The following CENPO variants were observed in gnomAD, a reference collection of about 807,000 sequenced individuals.
CENPO encodes centromere protein O, also known as centromeric protein O.
In CENPO, 30 loss-of-function variants were observed where a neutral mutation model predicts 36.1. The observed-to-expected ratio is 0.83, with a 90% CI of 0.62 to 1.13. The LOEUF is 1.13. CENPO is among the 50% of genes most tolerant of loss of function. CENPO has a pLI of 0.00. For synonymous variants in CENPO, 171 were observed against 142.3 expected (o/e 1.20, Z -1.44); for missense variants, 349 against 357.8 (o/e 0.98, Z 0.20).
intron 3 of CENPO, among the ~76,000 whole-genome samples, chr2:24,807,201 G>A (rs1666445410): frequency 2.0e-5 from 3 of 151,602 alleles, no homozygotes; most frequent in African/African-American, 7.3e-5. Context: ...TAATATATAT[G>A]AAGTGCACTA....
chr2:24,803,343 A>G (rs578221961), intron 3 of CENPO, among the ~76,000 whole-genome samples: 123 of 151,550 alleles, frequency 8.1e-4, no homozygotes, highest in Admixed American at 6.3e-3. Flanking sequence ...TTCTGCTCTG[A>G]TCTTAGTTAT....
chr2:24,799,122 G>A (rs529783893), intron 2 of CENPO, among the ~76,000 whole-genome samples: 3 of 151,302 alleles, frequency 2.0e-5, no homozygotes, highest in Admixed American at 1.3e-4. Flanking sequence ...TCAGCCTCCC[G>A]AGTAGCTGGG....
rs1477813777 is a variant in CENPO at position 24,821,773 on chromosome 2, A to G, written c.*2455A>G. The G allele has an allele frequency of 2.9e-6, 4 of 1,369,480 alleles. No individual in the cohort carries two copies. The highest frequency in any genetic ancestry group is 2.3e-5 in the Admixed American group (1 of 44,092). 84.8% of individuals were successfully genotyped at this position (1,369,480 alleles called of 1,614,324 possible). A position where few individuals can be genotyped will look rare whatever the true frequency, so the allele number is the denominator to read the frequency against. On this transcript the variant is annotated 3_prime_UTR_variant, in exon 8 of 8. Transcript: ENST00000380834. ...TTCAAGGCCTTACTTTTCCTCCCAC[A>G]AAGGAGTCGCAGCCACGCTAGCTCT...
chr2:24,794,743 G>A (rs1241736138), intron 2 of CENPO, among the ~76,000 whole-genome samples: 4 of 152,100 alleles, frequency 2.6e-5, no homozygotes, highest in Non-Finnish European at 5.9e-5. Flanking sequence ...TAATATTTGT[G>A]GACAGTTCTG....
chr2:24,799,294 G>A (rs534818622), intron 2 of CENPO, among the ~76,000 whole-genome samples: 6 of 152,074 alleles, frequency 3.9e-5, no homozygotes, highest in African/African-American at 9.7e-5. Context: ...CACCGCCCTC[G>A]GCTGTGAGAG....
chr2:24,804,992 T>C (rs1352570370), intron 3 of CENPO, among the ~76,000 whole-genome samples: 2 of 152,242 alleles, frequency 1.3e-5, no homozygotes, highest in Admixed American at 6.5e-5. Context: ...TCTTTTCACA[T>C]AGTCCCATAT....
intron 5 of CENPO, 32 bp from the exon 6 acceptor site, chr2:24,816,614 C>A: frequency 6.5e-7 from 1 of 1,528,322 alleles, no homozygotes; most frequent in South Asian, 1.3e-5. Context: ...TGCAGTCATC[C>A]TCTACTTCGT....
At chr2:24,817,876 G>A in intron 7 of CENPO, 35 bp downstream of exon 7, 1 of 1,556,800 alleles carries the variant, frequency 6.4e-7, no homozygotes, top group East Asian at 2.2e-5. Flanking sequence ...TACCAGGTGG[G>A]TAGTACTGTC....
In CENPO at chr2:24,820,945, T is replaced by G; in HGVS notation, c.*1627T>G. The G allele has an allele frequency of 2.0e-4, 303 of 1,482,214 alleles. No homozygotes were observed. Among genetic ancestry groups the G allele is most frequent in the Non-Finnish European group, 2.4e-4 (263 of 1,089,010 alleles). 91.8% of individuals were successfully genotyped at this position (1,482,214 alleles called of 1,614,324 possible). On this transcript the variant is annotated 3_prime_UTR_variant, in exon 8 of 8. Coordinates refer to ENST00000380834, the MANE Select transcript of CENPO (RefSeq NM_001322101.2). ...CTCCAGACCTGTACCACAAAGCTCC[T>G]AATGTAACACATCATTGTCCTCATT...
At chr2:24,796,327 T>C (rs780325883) in intron 2 of CENPO, among the ~76,000 whole-genome samples, 11 of 152,022 alleles carry the variant, frequency 7.2e-5, no homozygotes, top group Non-Finnish European at 1.6e-4. Context: ...GCACTCCAGC[T>C]TGGGCAACAG....
intron 3 of CENPO, among the ~76,000 whole-genome samples, chr2:24,811,754 C>T (rs1666702032): frequency 6.6e-6 from 1 of 152,108 alleles, no homozygotes; most frequent in South Asian, 2.1e-4. Context: ...AGCCACTGCG[C>T]CCGGCCAATT....
chr2:24,803,327 C>T (rs965452955), intron 3 of CENPO, among the ~76,000 whole-genome samples: 7 of 151,882 alleles, frequency 4.6e-5, no homozygotes, highest in African/African-American at 1.7e-4. Context: ...TCTCTATTTC[C>T]TTCAGTTCTG....
chr2:24,816,618 A>G (rs1164679409), intron 5 of CENPO, 28 bp from the exon 6 acceptor site: 1 of 1,543,478 alleles, frequency 6.5e-7, no homozygotes, highest in African/African-American at 1.4e-5. Context: ...GTCATCCTCT[A>G]CTTCGTTTTG....
Position 24,821,843 on chromosome 2 carries a change from A to T in CENPO, c.*2525A>T. On this transcript the variant is annotated 3_prime_UTR_variant, in exon 8 of 8. Transcript: ENST00000380834. ...GTTCACGTAGCAGGTCTAGGCAAAGACTGGGCAATTGAGCAGAGGAGACGG... is the reference window on the plus strand; with the variant it reads ...GTTCACGTAGCAGGTCTAGGCAAAGTCTGGGCAATTGAGCAGAGGAGACGG... The T allele has an allele frequency of 4.5e-6, 3 of 673,964 alleles. No homozygotes were observed. Among genetic ancestry groups the T allele is most frequent in the Non-Finnish European group, 4.8e-6 (2 of 420,092 alleles). 41.7% of individuals were successfully genotyped at this position (673,964 alleles called of 1,614,324 possible). A position where few individuals can be genotyped will look rare whatever the true frequency, so the allele number is the denominator to read the frequency against.
At chr2:24,817,553 T>TATCA in intron 6 of CENPO, 117 bp from the exon 7 acceptor site, 3 of 1,318,138 alleles carry the variant, frequency 2.3e-6, no homozygotes, top group East Asian at 2.5e-5. Context: ...TGAGATTGAA[T>TATCA]GTCAGTGATC....
chr2:24,799,333 G>A (rs1666057626), intron 2 of CENPO, among the ~76,000 whole-genome samples: 2 of 152,068 alleles, frequency 1.3e-5, no homozygotes, highest in Non-Finnish European at 2.9e-5. Flanking sequence ...GGTAAAGCTA[G>A]AGAATCATCC....
rs970318842 is a variant in CENPO at position 24,819,791 on chromosome 2, C to G, written c.*473C>G. ...AGGGCCACCCTCAGAGCTCACACATCCACGAACAAATGAAGGCTGAGGAGG... is the reference window on the plus strand; with the variant it reads ...AGGGCCACCCTCAGAGCTCACACATGCACGAACAAATGAAGGCTGAGGAGG... On this transcript the variant is annotated 3_prime_UTR_variant, in exon 8 of 8. Transcript: ENST00000380834. The G allele has an allele frequency of 2.3e-6, 2 of 888,492 alleles. No individual in the cohort carries two copies. The highest frequency in any genetic ancestry group is 5.6e-5 in the Admixed American group (2 of 35,912). 55.0% of individuals were successfully genotyped at this position (888,492 alleles called of 1,614,324 possible). A position where few individuals can be genotyped will look rare whatever the true frequency, so the allele number is the denominator to read the frequency against.
chr2:24,820,063 T>C lies in CENPO; in HGVS notation c.*745T>C. On this transcript the variant is annotated 3_prime_UTR_variant, in exon 8 of 8. Transcript: ENST00000380834. ...CCCTTCACAAAGATGGGGCCTCGCC[T>C]CACAAAGCGGAAGCCGTACTCTCGG... The C allele has an allele frequency of 6.3e-7, 1 of 1,589,568 alleles. No individual in the cohort carries two copies.
In CENPO at chr2:24,822,371, T is replaced by C. The variant is rs545048481; in HGVS notation, c.*3053T>C. 592 of 1,217,254 alleles carry C rather than the reference T, an allele frequency of 4.9e-4. No homozygotes were observed. Among genetic ancestry groups the C allele is most frequent in the Non-Finnish European group, 6.3e-4 (549 of 869,600 alleles). The allele number at this position is 1,217,254 out of a possible 1,614,324, so 75.4% of individuals were successfully genotyped here. On this transcript the variant is annotated 3_prime_UTR_variant, in exon 8 of 8. Transcript: ENST00000380834. Reference sequence around the variant, plus strand: ...CTTTCTCAATAAACCCTATTTCTTATTTATATTTACGTGGTGCTGGTGGTG... The same window carrying C: ...CTTTCTCAATAAACCCTATTTCTTACTTATATTTACGTGGTGCTGGTGGTG...
Sources: gnomAD v4.1 joint callset for allele counts (sites outside exome capture counted in the v4.1 genomes callset) on GRCh38, gnomAD v4.1.1 for gene constraint, MANE v1.5 for transcripts, NCBI Gene and HGNC (gene_info 2026-07-23, HGNC 2026-07-21) for gene names.